ADAMTS19: variants seen among roughly 807,000 people sequenced by gnomAD.
ADAMTS19 encodes the protein A disintegrin and metalloproteinase with thrombospondin motifs 19.
ADAMTS19 carries 93 observed loss-of-function variants against 153.3 expected under a neutral mutation model. The observed-to-expected ratio is 0.61, with a 90% confidence interval of 0.51 to 0.72. ADAMTS19 has a LOEUF of 0.72. ADAMTS19 is among the 30% of genes least tolerant of loss of function. The pLI is 0.00. For synonymous variants in ADAMTS19, 600 were observed against 556.6 expected (o/e 1.08, Z -1.10); for missense variants, 1,482 against 1,552.1 (o/e 0.95, Z 0.76).
At chr5:129,605,620 C>T in intron 8 of ADAMTS19, among the ~76,000 whole-genome samples, 1 of 152,144 alleles carries the variant, frequency 6.6e-6, no homozygotes, top group Non-Finnish European at 1.5e-5. Context: ...TAACTCTCTA[C>T]CCTATGTCTC....
chr5:129,582,782 G>C (rs1749585239), intron 7 of ADAMTS19, among the ~76,000 whole-genome samples: 1 of 151,280 alleles, frequency 6.6e-6, no homozygotes, highest in African/African-American at 2.4e-5. Flanking sequence ...ATGTTAGCCA[G>C]GATGGTCTTG....
chr5:129,520,419 A>G lies in ADAMTS19; in HGVS notation c.914-5865A>G, dbSNP rs561649671. 4.3e-4 allele frequency among the ~76,000 whole-genome samples: 65 copies of G among 152,296 alleles called. 1 individual carries two copies. Among genetic ancestry groups the G allele is most frequent in the Middle Eastern group, 6.8e-3 (2 of 294 alleles). On this transcript the variant is annotated intron_variant, in intron 3 of 22. Coordinates refer to ENST00000274487, the MANE Select transcript of ADAMTS19 (RefSeq NM_133638.6). ...CCATAAATATTATTTACTGCATGCC[A>G]TACCCTGGACACATAAATATGAGTA...
At chr5:129,500,282 C>G (rs1039161349) in intron 2 of ADAMTS19, 3 of 152,170 alleles carry the variant, frequency 2.0e-5, no homozygotes, top group African/African-American at 7.2e-5. Flanking sequence ...TGGGCTTTCT[C>G]TGGCTCCTCT....
chr5:129,521,380 C>T (rs548551243), intron 3 of ADAMTS19, among the ~76,000 whole-genome samples: 1 of 152,002 alleles, frequency 6.6e-6, no homozygotes, highest in South Asian at 2.1e-4. Context: ...AAATGTCATC[C>T]TAGTAGCTAA....
intron 16 of ADAMTS19, among the ~76,000 whole-genome samples, chr5:129,675,412 C>G (rs1272918291): frequency 1.3e-5 from 2 of 152,112 alleles, no homozygotes; most frequent in Non-Finnish European, 2.9e-5. Flanking sequence ...TCCCATGGGA[C>G]AGTTATGGTC....
chr5:129,723,875 T>C (rs1285730645), intron 21 of ADAMTS19, among the ~76,000 whole-genome samples: 4 of 152,176 alleles, frequency 2.6e-5, no homozygotes, highest in Non-Finnish European at 4.4e-5. Flanking sequence ...AAGATGTGCA[T>C]TGGTTTGATA....
At chr5:129,492,461 A>G (rs776755959) in intron 2 of ADAMTS19, among the ~76,000 whole-genome samples, 1 of 151,784 alleles carries the variant, frequency 6.6e-6, no homozygotes, top group Non-Finnish European at 1.5e-5. Flanking sequence ...TTGAAAAACC[A>G]TTTTGACAGA....
intron 10 of ADAMTS19, among the ~76,000 whole-genome samples, chr5:129,623,289 A>G (rs1035300785): frequency 6.6e-6 from 1 of 152,178 alleles, no homozygotes. Context: ...TTCTTAACTG[A>G]TGGAAGAGTT....
At position 129,622,281 on chromosome 5, in the gene ADAMTS19, C is replaced by T. The variant is rs375017613; in HGVS notation, c.1703C>T (p.Thr568Ile). ...VMVPSKLPGM[T>I]YTADEQCQIL... Reference sequence around the variant, plus strand: ...GTTCCCTCCAAGCTGCCAGGGATGACATACACTGCTGATGAACAATGCCAG... The same window carrying T: ...GTTCCCTCCAAGCTGCCAGGGATGATATACACTGCTGATGAACAATGCCAG... Residue 568 changes from threonine (T) to isoleucine (I), a missense_variant, in exon 10 of 23, where the codon ACA becomes ATA. Thr to Ile is a moderately conservative substitution (Grantham distance 89). This residue lies in a region of ADAMTS19 where 866 missense variants were observed against 827.7 expected (regional missense o/e 1.05). Transcript: ENST00000274487. 1.1e-5 allele frequency: 17 copies of T among 1,614,120 alleles called. No homozygotes were observed. In the African/African-American group the frequency reaches 1.1e-4, roughly 10 times the overall value.
At chr5:129,570,407 T>C (rs1183385853) in intron 7 of ADAMTS19, among the ~76,000 whole-genome samples, 2 of 151,864 alleles carry the variant, frequency 1.3e-5, no homozygotes, top group Non-Finnish European at 2.9e-5. Flanking sequence ...TCTTATTAAA[T>C]ATTAAAGAAT....
At chr5:129,708,615 G>C (rs930858308) in intron 21 of ADAMTS19, among the ~76,000 whole-genome samples, 1 of 60,480 alleles carries the variant, frequency 1.7e-5, no homozygotes. Context: ...AAAAAAAAAA[G>C]AGTACTATTT....
intron 8 of ADAMTS19, among the ~76,000 whole-genome samples, chr5:129,608,846 CA>C (rs3979147): frequency 9.6e-4 from 126 of 130,714 alleles, no homozygotes; most frequent in African/African-American, 3.4e-3. Flanking sequence ...GACTCTGTCT[CA>C]AAAAAAAAAG....
Position 129,704,228 on chromosome 5 carries a change from T to G in ADAMTS19, c.3160-11T>G. 1.2e-6 allele frequency: 2 copies of G among 1,609,628 alleles called. No individual in the cohort carries two copies. The highest frequency in any genetic ancestry group is 1.7e-6 in the Non-Finnish European group (2 of 1,178,160). On this transcript the variant is annotated splice_polypyrimidine_tract_variant and intron_variant, in intron 20 of 22. Coordinates refer to ENST00000274487, the MANE Select transcript of ADAMTS19 (RefSeq NM_133638.6). ...CCAACTTTATCTAAAACCTCTGATG[T>G]TATCTTCCAGTGTTCAGTCAAGTGT...
At chr5:129,608,112 G>GTATATATATATA (rs1219945367) in intron 8 of ADAMTS19, among the ~76,000 whole-genome samples, 11 of 31,840 alleles carry the variant, frequency 3.5e-4, no homozygotes, top group East Asian at 6.8e-4. Context: ...GTGTGTGTGT[G>GTATATATATATA]TGTGTATATA....
intron 17 of ADAMTS19, among the ~76,000 whole-genome samples, chr5:129,682,610 T>G (rs186957060): frequency 3.0e-4 from 45 of 152,194 alleles, no homozygotes; most frequent in African/African-American, 1.0e-3. Flanking sequence ...AATAATAGTC[T>G]GGGTATAGTC....
intron 2 of ADAMTS19, among the ~76,000 whole-genome samples, chr5:129,474,150 A>G (rs1750150418): frequency 6.6e-6 from 1 of 152,098 alleles, no homozygotes; most frequent in African/African-American, 2.4e-5. Flanking sequence ...AATCATATAA[A>G]ATTTGGTCAT....
In ADAMTS19 at chr5:129,655,629, A is replaced by C. The variant is rs73232398; in HGVS notation, c.2304+1196A>C. Among the ~76,000 whole-genome samples, 1,207 of 152,276 alleles carry C rather than the reference A, an allele frequency of 7.9e-3. 17 individuals are homozygous for C. The highest frequency in any genetic ancestry group is 0.026 in the African/African-American group (1,098 of 41,560). ...TTTTTTTTCCTCGTAAAAATGCACA[A>C]CTGAACACACACATACACACATACC... is the stretch of plus-strand genomic sequence containing the variant. On this transcript the variant is annotated intron_variant, in intron 14 of 22. Transcript: ENST00000274487.
At chr5:129,710,279 A>G (rs1449278274) in intron 21 of ADAMTS19, among the ~76,000 whole-genome samples, 1 of 152,154 alleles carries the variant, frequency 6.6e-6, no homozygotes, top group Admixed American at 6.5e-5. Flanking sequence ...AGGTCCATCC[A>G]TGTCCCTGTA....
At chr5:129,470,282 C>A (rs1250250518) in intron 2 of ADAMTS19, among the ~76,000 whole-genome samples, 1 of 152,138 alleles carries the variant, frequency 6.6e-6, no homozygotes, top group Non-Finnish European at 1.5e-5. Flanking sequence ...TGAATGTTTC[C>A]ACTTATTTGC....
Sources: allele counts gnomAD v4.1 joint callset (sites outside exome capture counted in the v4.1 genomes callset), GRCh38; gene constraint gnomAD v4.1.1; regional missense constraint gnomAD v4.1.1; transcripts MANE v1.5; gene names NCBI Gene and HGNC (gene_info 2026-07-23, HGNC 2026-07-21).